PARP1: variants seen among roughly 807,000 people sequenced by gnomAD.
PARP1 encodes poly [ADP-ribose] polymerase 1.
Under a neutral mutation model 118.7 loss-of-function variants are expected in PARP1, and 44 were observed. The ratio of observed to expected loss-of-function variants is 0.37; its 90% CI spans 0.29 to 0.48. The LOEUF is 0.48. Among genes scored for constraint, PARP1 ranks in the 20% least tolerant of loss-of-function variants. The probability of loss-of-function intolerance (pLI) is 0.99; values close to 1 mark genes in which losing one functional copy is unlikely to be tolerated. For missense variants in PARP1, 1,100 were observed against 1,272.4 expected (o/e 0.86, Z 2.06); for synonymous variants, 492 against 483.2 (o/e 1.02, Z -0.24).
At position 226,402,392 on chromosome 1, in the gene PARP1, G is replaced by A. The variant is rs772709627; in HGVS notation, c.121-13C>T. 9 of 1,609,926 alleles carry A rather than the reference G, an allele frequency of 5.6e-6. No individual in the cohort carries two copies. Among genetic ancestry groups the A allele is most frequent in the South Asian group, 1.1e-5 (1 of 90,866 alleles). ...CAAACATGGGCGACTAGAAGGAAGA[G>A]AAACAGAGGGAAGTAAGTAAGCAGT... On this transcript the variant is annotated splice_polypyrimidine_tract_variant and intron_variant, in intron 1 of 22. Coordinates refer to ENST00000366794, the MANE Select transcript of PARP1 (RefSeq NM_001618.4).
chr1:226,393,059 T>G (rs955545986), intron 2 of PARP1: 2 of 1,269,532 alleles, frequency 1.6e-6, no homozygotes, highest in Non-Finnish European at 2.1e-6. Flanking sequence ...TCTCTACTTG[T>G]AGATGATTCT....
intron 2 of PARP1, chr1:226,392,886 A>C: frequency 2.6e-6 from 4 of 1,552,276 alleles, no homozygotes; most frequent in Non-Finnish European, 3.4e-6. Flanking sequence ...TCTTATTATA[A>C]AAATAAATTC....
At chr1:226,367,920 T>G (rs1393181986) in intron 16 of PARP1, among the ~76,000 whole-genome samples, 1 of 152,108 alleles carries the variant, frequency 6.6e-6, no homozygotes, top group Non-Finnish European at 1.5e-5. Flanking sequence ...GGAGCTGTCT[T>G]AAAAGGCAGG....
At chr1:226,370,650 C>T in intron 14 of PARP1, 133 bp from the exon 15 acceptor site, 1 of 736,698 alleles carries the variant, frequency 1.4e-6, no homozygotes, top group South Asian at 1.4e-5. Context: ...CCTGAGGACA[C>T]CAGTGACCCA....
Position 226,365,091 on chromosome 1 carries a change from G to A in PARP1, c.2569C>T (p.Arg857Ter). 1 of 1,614,166 alleles carries A rather than the reference G, an allele frequency of 6.2e-7. No individual in the cohort carries two copies. The highest frequency in any genetic ancestry group is 8.5e-7 in the Non-Finnish European group (1 of 1,180,018). The change falls in exon 19 of 23, where the codon CGA becomes TGA. Residue 857 changes from arginine to a stop codon, truncating the protein, a stop_gained. Transcript: ENST00000366794. LOFTEE classifies it high-confidence loss of function. ...RYKPFKQLHN[R>*]RLLWHGSRTT... is the part of the protein sequence containing the mutation. ...CTGGACCCGTGCCACAGCAATCTTC[G>A]GTTATGAAGCTGCTTAAAGGGCTTG...
chr1:226,381,415 A>G (rs1408102569), intron 8 of PARP1, among the ~76,000 whole-genome samples: 3 of 152,228 alleles, frequency 2.0e-5, no homozygotes, highest in Non-Finnish European at 4.4e-5. Context: ...GCAGGGAGCA[A>G]GCCACAAAAT....
intron 12 of PARP1, among the ~76,000 whole-genome samples, chr1:226,377,615 C>T (rs569466600): frequency 2.0e-5 from 3 of 152,106 alleles, no homozygotes; most frequent in Non-Finnish European, 4.4e-5. Flanking sequence ...GTCCTCTCCC[C>T]AAAGAAATAC....
chr1:226,381,537 A>G (rs1207204461), intron 8 of PARP1, among the ~76,000 whole-genome samples: 1 of 149,474 alleles, frequency 6.7e-6, no homozygotes, highest in Admixed American at 6.6e-5. Context: ...AGGGACCAGG[A>G]GGCTGGAGTC....
intron 17 of PARP1, chr1:226,366,409 G>A (rs775751223): frequency 9.1e-6 from 3 of 329,836 alleles, no homozygotes; most frequent in South Asian, 5.4e-5. Context: ...AGCTCAGCAT[G>A]AGTTAAAACA....
chr1:226,362,272 G>A (rs934937265), intron 21 of PARP1, 189 bp from the exon 22 acceptor site: 16 of 550,566 alleles, frequency 2.9e-5, no homozygotes, highest in African/African-American at 1.9e-4. Context: ...TGCAACCTCC[G>A]CCTCCCGGAT....
rs750706884 is a variant in PARP1 at position 226,380,173 on chromosome 1, A to G, written c.1301-9T>C. The G allele has an allele frequency of 1.9e-6, 3 of 1,613,912 alleles. No individual in the cohort carries two copies. Among genetic ancestry groups the G allele is most frequent in the Admixed American group, 1.7e-5 (1 of 60,026 alleles). On this transcript the variant is annotated splice_polypyrimidine_tract_variant and intron_variant, in intron 9 of 22. Transcript: ENST00000366794. ...CATCTTTTCCACCTCCTCTGTTCAAATTGAAAGGAAAAAAAACCAAAATAC... is the reference window on the plus strand; with the variant it reads ...CATCTTTTCCACCTCCTCTGTTCAAGTTGAAAGGAAAAAAAACCAAAATAC...
At chr1:226,392,546 A>G (rs1198848200) in intron 2 of PARP1, 1 of 573,650 alleles carries the variant, frequency 1.7e-6, no homozygotes, top group Non-Finnish European at 3.1e-6. Flanking sequence ...AAAGAGCAGC[A>G]TATCAGGGGG....
Position 226,407,818 on chromosome 1 carries a change from T to C in PARP1, c.112A>G (p.Met38Val). Residue 38 changes from methionine (M) to valine (V), a missense_variant, in exon 1 of 23, where the codon ATG becomes GTG. Transcript: ENST00000366794. The stretch of plus-strand genomic sequence containing the variant: ...CGCACAGCGGCCCGCACCTGCACCA[T>C]GATGGCCATCCGGAGCGAGTCCTTG... ...IPKDSLRMAI[M>V]VQSPMFDGKV... The C allele has an allele frequency of 1.3e-6, 2 of 1,539,378 alleles. No individual in the cohort carries two copies. Among genetic ancestry groups the C allele is most frequent in the Non-Finnish European group, 1.8e-6 (2 of 1,138,782 alleles).
At chr1:226,400,625 A>T (rs1267416270) in intron 2 of PARP1, among the ~76,000 whole-genome samples, 1 of 152,196 alleles carries the variant, frequency 6.6e-6, no homozygotes, top group Non-Finnish European at 1.5e-5. Flanking sequence ...CACAGTAACA[A>T]ACACAGCACT....
rs2102741139 is a variant in PARP1 at position 226,390,559 on chromosome 1, G to A, written c.468C>T (p.Arg156=). 1.2e-6 allele frequency: 2 copies of A among 1,614,204 alleles called. No homozygotes were observed. Among genetic ancestry groups the A allele is most frequent in the Non-Finnish European group, 1.7e-6 (2 of 1,180,030 alleles). ...TGACAAAGCAGCCTGGATGGTACCAGCGGTCAATCATGCCTAGCTGTGGCT... is the reference window on the plus strand; with the variant it reads ...TGACAAAGCAGCCTGGATGGTACCAACGGTCAATCATGCCTAGCTGTGGCT... ...PEKPQLGMID[R]WYHPGCFVKN... is the part of the protein sequence containing the mutation. Residue 156 remains arginine, a synonymous_variant, in exon 4 of 23, where the codon CGC becomes CGT. Transcript: ENST00000366794.
intron 14 of PARP1, chr1:226,370,830 T>A: frequency 2.6e-6 from 1 of 391,852 alleles, no homozygotes; most frequent in Non-Finnish European, 4.9e-6. Context: ...TCCCATCCAA[T>A]TCTGATGTGC....
intron 14 of PARP1, among the ~76,000 whole-genome samples, chr1:226,372,004 G>A (rs1664393202): frequency 6.6e-6 from 1 of 152,232 alleles, no homozygotes; most frequent in Non-Finnish European, 1.5e-5. Flanking sequence ...AGAAAAGTGG[G>A]AGAAACACCT....
intron 14 of PARP1, 45 bp from the exon 15 acceptor site, chr1:226,370,562 G>T (rs762916801): frequency 1.3e-6 from 2 of 1,490,664 alleles, no homozygotes; most frequent in Non-Finnish European, 1.9e-6. Flanking sequence ...GCACTGTGCA[G>T]TGTGATCGCA....
chr1:226,365,088 T>G lies in PARP1; in HGVS notation c.2572A>C (p.Arg858=), dbSNP rs760355136. ...YKPFKQLHNR[R]LLWHGSRTTN... ...GTCCTGGACCCGTGCCACAGCAATC[T>G]TCGGTTATGAAGCTGCTTAAAGGGC... Residue 858 remains arginine, a synonymous_variant, in exon 19 of 23, where the codon AGA becomes CGA. Coordinates refer to ENST00000366794, the MANE Select transcript of PARP1 (RefSeq NM_001618.4). The G allele has an allele frequency of 5.6e-6, 9 of 1,614,114 alleles. No individual in the cohort carries two copies. The African/African-American group carries it at 1.2e-4, about 22-fold the overall frequency.
Sources: gnomAD v4.1 joint callset for allele counts (sites outside exome capture counted in the v4.1 genomes callset) on GRCh38, gnomAD v4.1.1 for gene constraint, MANE v1.5 for transcripts, NCBI Gene and HGNC (gene_info 2026-07-23, HGNC 2026-07-21) for gene names.